CA5B: variants seen among roughly 807,000 people sequenced by gnomAD.
CA5B encodes carbonic anhydrase 5B, mitochondrial.
Under a neutral mutation model 23.1 loss-of-function variants are expected in CA5B, and 15 were observed. The ratio of observed to expected loss-of-function variants is 0.65; its 90% CI spans 0.43 to 1.00. CA5B has a LOEUF of 1.00. CA5B is among the 50% of genes least tolerant of loss of function. The pLI, the probability that CA5B is intolerant of heterozygous loss-of-function variation, is 0.00. For synonymous variants in CA5B, 84 were observed against 98.5 expected (o/e 0.85, Z 0.87); for missense variants, 236 against 252.2 (o/e 0.94, Z 0.43).
chrX:15,746,066 GTCACTC>G (rs1451497764), intron 1 of CA5B, among the ~76,000 whole-genome samples: 2 of 324 alleles, frequency 6.2e-3, no homozygotes, highest in Non-Finnish European at 6.0e-3. Context: ...GTCTCGCTCT[GTCACTC>G]TGTCACTCAG....
At chrX:15,779,222 C>T (rs1440948828) in intron 7 of CA5B, among the ~76,000 whole-genome samples, 4 of 110,825 alleles carry the variant, frequency 3.6e-5, no homozygotes, top group Admixed American at 1.9e-4. Flanking sequence ...CCAGGAGCTC[C>T]GAAGAAAGGA....
intron 2 of CA5B, among the ~76,000 whole-genome samples, chrX:15,752,300 C>T (rs1375601556): frequency 9.0e-6 from 1 of 111,300 alleles, no homozygotes; most frequent in Non-Finnish European, 1.9e-5. Context: ...GATTTACTTT[C>T]CAAGCTGACT....
chrX:15,751,167 T>C (rs981263288), intron 2 of CA5B, among the ~76,000 whole-genome samples: 1 of 112,226 alleles, frequency 8.9e-6, no homozygotes, highest in Non-Finnish European at 1.9e-5. Flanking sequence ...TAAAAAACAT[T>C]GGCACAGAGT....
At chrX:15,753,668 G>T (rs866036222) in intron 2 of CA5B, among the ~76,000 whole-genome samples, 1 of 112,352 alleles carries the variant, frequency 8.9e-6, no homozygotes, top group Non-Finnish European at 1.9e-5. Flanking sequence ...CAGCACTTTG[G>T]GAGGCCAAGG....
In CA5B at chrX:15,785,923, T is replaced by A. The variant is rs1226854495; in HGVS notation, c.*3259T>A. ...AGTCGCGCTGTCACCCGGGCTGGAG[T>A]GCAGTGGCGCGATCTCGGCTCACTG... On this transcript the variant is annotated 3_prime_UTR_variant, in exon 8 of 8. Coordinates refer to ENST00000318636, the MANE Select transcript of CA5B (RefSeq NM_007220.4). The A allele has an allele frequency of 2.7e-5, 3 of 110,776 alleles. No homozygotes were observed. Among genetic ancestry groups the A allele is most frequent in the African/African-American group, 9.9e-5 (3 of 30,416 alleles). The allele number at this position is 110,776 out of a possible 1,213,427, so 9.1% of individuals were successfully genotyped here.
chrX:15,749,803 A>G (rs1931319550), intron 1 of CA5B, 168 bp from the exon 2 acceptor site: 1 of 379,205 alleles, frequency 2.6e-6, no homozygotes, highest in East Asian at 4.1e-5. Context: ...GAGGGGACCA[A>G]TGAGTTTGAG....
intron 1 of CA5B, among the ~76,000 whole-genome samples, chrX:15,744,995 C>T (rs1395203752): frequency 9.2e-6 from 1 of 108,794 alleles, no homozygotes; most frequent in African/African-American, 3.3e-5. Flanking sequence ...ATGGTGAAAC[C>T]CCGTCTCTAC....
At chrX:15,749,414 A>G (rs1397379423) in intron 1 of CA5B, among the ~76,000 whole-genome samples, 1 of 112,198 alleles carries the variant, frequency 8.9e-6, no homozygotes, top group Non-Finnish European at 1.9e-5. Context: ...ATTGGCAAAG[A>G]GTCATAGATT....
At chrX:15,750,966 A>T (rs1180404079) in intron 2 of CA5B, among the ~76,000 whole-genome samples, 1 of 111,914 alleles carries the variant, frequency 8.9e-6, no homozygotes, top group Non-Finnish European at 1.9e-5. Context: ...TAGCACCCTC[A>T]TGAAGCTATA....
intron 7 of CA5B, among the ~76,000 whole-genome samples, chrX:15,777,950 AAAT>A (rs1931961253): frequency 8.9e-6 from 1 of 111,902 alleles, no homozygotes; most frequent in African/African-American, 3.2e-5. Flanking sequence ...GGAAAATAAA[AAAT>A]AAATTAGAGA....
intron 3 of CA5B, among the ~76,000 whole-genome samples, chrX:15,770,434 C>A (rs1287425283): frequency 9.0e-6 from 1 of 111,505 alleles, no homozygotes; most frequent in Non-Finnish European, 1.9e-5. Context: ...GTCTACCTGC[C>A]CCATTTCTTT....
At chrX:15,752,742 CT>C (rs1356837858) in intron 2 of CA5B, among the ~76,000 whole-genome samples, 3 of 109,879 alleles carry the variant, frequency 2.7e-5, no homozygotes, top group African/African-American at 1.0e-4. Flanking sequence ...AAAAAAATCT[CT>C]GTTAACATAG....
chrX:15,775,918 C>T, intron 6 of CA5B: 8 of 750,250 alleles, frequency 1.1e-5, no homozygotes, highest in East Asian at 3.0e-4. Context: ...CTGGTCCCTA[C>T]CTCTTTCCCT....
chrX:15,752,529 T>C (rs1003338574), intron 2 of CA5B, among the ~76,000 whole-genome samples: 1 of 98,151 alleles, frequency 1.0e-5, no homozygotes, highest in Non-Finnish European at 2.0e-5. Context: ...ATCAAGACTA[T>C]CCTGGCTAAC....
In CA5B at chrX:15,759,734, C is replaced by CTTTTTTTTTTT. The variant is rs56915078; in HGVS notation, c.143-4822_143-4812dup. On this transcript the variant is annotated intron_variant, in intron 2 of 7. Coordinates refer to ENST00000318636, the MANE Select transcript of CA5B (RefSeq NM_007220.4). ...CCCATCAGCTAGAAATTACTGACAC[C>CTTTTTTTTTTT]TTTTTTTTTTTTTTTTTTTTTTTTT... Among the ~76,000 whole-genome samples the CTTTTTTTTTTT allele has an allele frequency of 3.2e-4, 12 of 37,417 alleles. 2 individuals are homozygous for CTTTTTTTTTTT. The highest frequency in any genetic ancestry group is 1.6e-3 in the African/African-American group (12 of 7,628). The allele number at this position is 37,417 out of a possible 115,157, so 32.5% of individuals were successfully genotyped here.
chrX:15,787,874 A>G lies in CA5B; in HGVS notation c.*5210A>G, dbSNP rs1454443606. 1 of 112,646 alleles carries G rather than the reference A, an allele frequency of 8.9e-6. No homozygotes were observed. Among genetic ancestry groups the G allele is most frequent in the Non-Finnish European group, 1.9e-5 (1 of 53,373 alleles). 9.3% of individuals were successfully genotyped at this position (112,646 alleles called of 1,213,427 possible). On this transcript the variant is annotated 3_prime_UTR_variant, in exon 8 of 8. Transcript: ENST00000318636. ...GAGGCTGAGGCAGAAGAATCGCTTGAGCCCAGGAGGCGGAGGTTGCAGTGA... is the reference window on the plus strand; with the variant it reads ...GAGGCTGAGGCAGAAGAATCGCTTGGGCCCAGGAGGCGGAGGTTGCAGTGA...
chrX:15,755,415 A>G (rs1931467807), intron 2 of CA5B, among the ~76,000 whole-genome samples: 1 of 111,960 alleles, frequency 8.9e-6, no homozygotes, highest in Non-Finnish European at 1.9e-5. Context: ...TGATTCTGCG[A>G]TCATCCTCAA....
intron 7 of CA5B, among the ~76,000 whole-genome samples, chrX:15,777,689 C>T (rs765507845): frequency 8.9e-6 from 1 of 112,361 alleles, no homozygotes; most frequent in South Asian, 3.6e-4. Flanking sequence ...TAATGTAATT[C>T]ATTCTATCAG....
Position 15,783,681 on chromosome X carries a change from C to T in CA5B, c.*1017C>T, listed in dbSNP as rs1366124331. ...TGGTGAGCACCTGTAATGCCAGCTA[C>T]TCGGGAAGCTGAGGCTGGAGAATCG... On this transcript the variant is annotated 3_prime_UTR_variant, in exon 8 of 8. Coordinates refer to ENST00000318636, the MANE Select transcript of CA5B (RefSeq NM_007220.4). 2.8e-5 allele frequency: 3 copies of T among 106,660 alleles called. No individual in the cohort carries two copies. The highest frequency in any genetic ancestry group is 5.8e-5 in the Non-Finnish European group (3 of 51,831). The allele number at this position is 106,660 out of a possible 1,213,427, so 8.8% of individuals were successfully genotyped here.
Sources: allele counts gnomAD v4.1 joint callset (sites outside exome capture counted in the v4.1 genomes callset), GRCh38; gene constraint gnomAD v4.1.1; transcripts MANE v1.5; gene names NCBI Gene and HGNC (gene_info 2026-07-23, HGNC 2026-07-21).